CACNA2D3: variants seen among roughly 807,000 people sequenced by gnomAD.
CACNA2D3 encodes the protein calcium voltage-gated channel auxiliary subunit alpha2delta 3, also known as voltage-dependent calcium channel subunit alpha-2/delta-3.
Under a neutral mutation model 160.6 loss-of-function variants are expected in CACNA2D3, and 60 were observed. That is an observed-to-expected ratio of 0.37 (90% CI 0.30 to 0.46). The LOEUF (loss-of-function observed/expected upper bound fraction) is 0.46. Among genes scored for constraint, CACNA2D3 ranks in the 20% least tolerant of loss-of-function variants. CACNA2D3 has a pLI of 1.00. For missense variants in CACNA2D3, 1,205 were observed against 1,365.0 expected (o/e 0.88, Z 1.85); for synonymous variants, 558 against 492.9 (o/e 1.13, Z -1.75).
intron 3 of CACNA2D3, among the ~76,000 whole-genome samples, chr3:54,351,826 G>A (rs924445192): frequency 1.3e-5 from 2 of 152,190 alleles, no homozygotes; most frequent in Non-Finnish European, 2.9e-5. Context: ...GCCTCCTGGT[G>A]CCTTATGCAA....
intron 3 of CACNA2D3, among the ~76,000 whole-genome samples, chr3:54,347,963 A>T (rs1432080662): frequency 2.0e-5 from 3 of 152,192 alleles, no homozygotes; most frequent in Non-Finnish European, 4.4e-5. Flanking sequence ...TGCTTTTCGA[A>T]GCAGGCCCAT....
chr3:54,303,819 T>TTTTTTGTTTTG (rs1553788124), intron 2 of CACNA2D3, among the ~76,000 whole-genome samples: 5 of 15,710 alleles, frequency 3.2e-4, no homozygotes, highest in Non-Finnish European at 5.0e-4. Flanking sequence ...TTTTTTTCTG[T>TTTTTTGTTTTG]TTTTTTTTTT....
intron 11 of CACNA2D3, among the ~76,000 whole-genome samples, chr3:54,716,997 A>G (rs1372878657): frequency 6.6e-6 from 1 of 151,420 alleles, no homozygotes; most frequent in Non-Finnish European, 1.5e-5. Context: ...CTCCTTCATC[A>G]TGCCTCCTTC....
chr3:54,218,766 T>C (rs1701511514), intron 2 of CACNA2D3, among the ~76,000 whole-genome samples: 1 of 152,202 alleles, frequency 6.6e-6, no homozygotes, highest in African/African-American at 2.4e-5. Flanking sequence ...CTGGAGGCTC[T>C]AGGGAAAAAG....
chr3:54,813,411 A>C (rs780685247), intron 13 of CACNA2D3, among the ~76,000 whole-genome samples: 2 of 152,074 alleles, frequency 1.3e-5, no homozygotes, highest in Non-Finnish European at 2.9e-5. Context: ...TTTTATGCAT[A>C]TCCAGGGGTC....
At chr3:54,869,690 A>T (rs1027984845) in intron 17 of CACNA2D3, among the ~76,000 whole-genome samples, 5 of 152,232 alleles carry the variant, frequency 3.3e-5, no homozygotes, top group Admixed American at 3.3e-4. Flanking sequence ...TCTGACTCTA[A>T]GTCCTCAGGG....
intron 37 of CACNA2D3, 30 bp from the exon 38 acceptor site, chr3:55,074,084 C>T (rs138647481): frequency 9.9e-5 from 157 of 1,580,990 alleles, no homozygotes; most frequent in Admixed American, 8.8e-4. Flanking sequence ...AGTCTATTTC[C>T]GTCTAACCAA....
intron 9 of CACNA2D3, among the ~76,000 whole-genome samples, chr3:54,583,834 C>T (rs1307617780): frequency 2.0e-5 from 3 of 151,762 alleles, no homozygotes; most frequent in African/African-American, 7.3e-5. Flanking sequence ...CCTGATTTTC[C>T]TCTTTGACTC....
At chr3:54,338,337 T>C (rs2107523677) in intron 3 of CACNA2D3, among the ~76,000 whole-genome samples, 1 of 152,336 alleles carries the variant, frequency 6.6e-6, no homozygotes. Flanking sequence ...TGTGCTCTTT[T>C]TCTTTTCTGA....
At chr3:54,471,891 A>G (rs1700738798) in intron 4 of CACNA2D3, among the ~76,000 whole-genome samples, 1 of 152,158 alleles carries the variant, frequency 6.6e-6, no homozygotes, top group African/African-American at 2.4e-5. Flanking sequence ...ACAAGTTCTG[A>G]AATTGAGGCA....
chr3:54,872,485 C>T (rs1699558150), intron 18 of CACNA2D3, among the ~76,000 whole-genome samples: 1 of 152,074 alleles, frequency 6.6e-6, no homozygotes, highest in Non-Finnish European at 1.5e-5. Context: ...GTTGAGTTGG[C>T]GTTGTTTCCA....
chr3:54,670,778 C>T (rs1700146114), intron 11 of CACNA2D3, among the ~76,000 whole-genome samples: 1 of 152,182 alleles, frequency 6.6e-6, no homozygotes. Context: ...CACACACCCT[C>T]AGCCTGGGGT....
chr3:54,779,016 A>G (rs1169180073), intron 13 of CACNA2D3, among the ~76,000 whole-genome samples: 2 of 152,182 alleles, frequency 1.3e-5, no homozygotes, highest in Non-Finnish European at 2.9e-5. Flanking sequence ...GCATTCTGAC[A>G]TATCAGCTGT....
intron 11 of CACNA2D3, among the ~76,000 whole-genome samples, chr3:54,724,463 A>G (rs528754937): frequency 6.6e-6 from 1 of 152,340 alleles, no homozygotes; most frequent in East Asian, 1.9e-4. Context: ...AACAGAATAT[A>G]CATTCTTTTC....
At chr3:54,536,595 A>G (rs749675865) in intron 5 of CACNA2D3, among the ~76,000 whole-genome samples, 5 of 152,126 alleles carry the variant, frequency 3.3e-5, no homozygotes, top group Non-Finnish European at 7.4e-5. Context: ...TCTTACTTCC[A>G]TGGCTCACTT....
intron 12 of CACNA2D3, among the ~76,000 whole-genome samples, chr3:54,759,155 T>G (rs1702034696): frequency 6.6e-6 from 1 of 152,206 alleles, no homozygotes; most frequent in Admixed American, 6.5e-5. Context: ...AAATTGATGT[T>G]ATAGAGAAAA....
At chr3:54,652,020 C>T (rs1318139973) in intron 11 of CACNA2D3, among the ~76,000 whole-genome samples, 1 of 152,168 alleles carries the variant, frequency 6.6e-6, no homozygotes, top group African/African-American at 2.4e-5. Flanking sequence ...TTTTCTTTGC[C>T]TCCCTTTGAC....
chr3:54,127,691 C>G (rs1423368957), intron 2 of CACNA2D3, among the ~76,000 whole-genome samples: 1 of 152,146 alleles, frequency 6.6e-6, no homozygotes, highest in African/African-American at 2.4e-5. Flanking sequence ...CTGGACTTTT[C>G]CTTAGCAGGT....
chr3:54,653,454 A>G (rs1699814822), intron 11 of CACNA2D3, among the ~76,000 whole-genome samples: 2 of 152,200 alleles, frequency 1.3e-5, no homozygotes, highest in African/African-American at 4.8e-5. Flanking sequence ...TTCAAGGGTG[A>G]TAAATCCTAA....
Sources: allele counts gnomAD v4.1 joint callset (sites outside exome capture counted in the v4.1 genomes callset), GRCh38; gene constraint gnomAD v4.1.1; transcripts MANE v1.5; gene names NCBI Gene and HGNC (gene_info 2026-07-23, HGNC 2026-07-21).